Variants in DNAH6 observed in about 807,000 individuals in gnomAD.
DNAH6 encodes the protein dynein axonemal heavy chain 6, also known as axonemal beta dynein heavy chain 6.
In DNAH6, 340 loss-of-function variants were observed where a neutral mutation model predicts 491.4. The observed-to-expected ratio is 0.69, with a 90% CI of 0.63 to 0.76. The LOEUF (loss-of-function observed/expected upper bound fraction) is 0.76. Among genes scored for constraint, DNAH6 ranks in the 30% least tolerant of loss-of-function variants. The pLI, the probability that DNAH6 is intolerant of heterozygous loss-of-function variation, is 0.00. For missense variants in DNAH6, 4,443 were observed against 4,972.2 expected (o/e 0.89, Z 3.20); for synonymous variants, 1,603 against 1,686.1 (o/e 0.95, Z 1.21).
rs748934560 is a variant in DNAH6 at position 84,805,765 on chromosome 2, T to A, written c.11582T>A (p.Leu3861His). Residue 3861 changes from leucine to histidine, a missense_variant, in exon 71 of 77, where the codon CTT (leucine) becomes CAT (histidine). Transcript: ENST00000389394. ...GKSNDEIVQELVASVQTRVPE... is the reference protein window; with the variant it reads ...GKSNDEIVQEHVASVQTRVPE... ...AGCAATGACGAAATTGTTCAAGAAC[T>A]TGTTGCTTCTGTCCAGACCAGAGTT... 12 of 1,551,552 alleles carry A rather than the reference T, an allele frequency of 7.7e-6. No individual in the cohort carries two copies. In the South Asian group the frequency reaches 1.3e-4, roughly 17 times the overall value.
the DNAH6 span, among the ~76,000 whole-genome samples, chr2:84,464,147 C>T: frequency 1.3e-5 from 2 of 152,158 alleles, no homozygotes; most frequent in African/African-American, 2.4e-5. Context: ...TGGTCCTTAG[C>T]TGTGGTCCAA....
the DNAH6 span, among the ~76,000 whole-genome samples, chr2:84,489,004 A>G: frequency 2.0e-5 from 3 of 152,250 alleles, no homozygotes; most frequent in Admixed American, 6.5e-5. Context: ...GATAAAGATG[A>G]TATAGATTAT....
intron 52 of DNAH6, 136 bp downstream of exon 52, chr2:84,705,883 T>A: frequency 8.8e-7 from 1 of 1,131,782 alleles, no homozygotes; most frequent in Non-Finnish European, 1.2e-6. Context: ...GCTTTTGTTT[T>A]AAACAAGAGC....
Position 84,621,521 on chromosome 2 carries a change from C to T in DNAH6, c.4041C>T (p.Ala1347=). 1 of 1,521,284 alleles carries T rather than the reference C, an allele frequency of 6.6e-7. No homozygotes were observed. Among genetic ancestry groups the T allele is most frequent in the Non-Finnish European group, 8.9e-7 (1 of 1,123,574 alleles). The allele number at this position is 1,521,284 out of a possible 1,614,324, so 94.2% of individuals were successfully genotyped here. ...LETEHSNHIQ[A]LKNFEKVNFE... ...CAGAACACAGTAATCATATACAGGC[C>T]CTGAAGAATTTTGAAAAAGTAAATT... Residue 1347 remains alanine, a synonymous_variant, in exon 26 of 77, where the codon GCC becomes GCT. Transcript: ENST00000389394.
At chr2:84,785,842 T>A in intron 67 of DNAH6, 86 bp downstream of exon 67, 7 of 1,320,778 alleles carry the variant, frequency 5.3e-6, no homozygotes, top group Non-Finnish European at 7.0e-6. Context: ...AGCTTATAAA[T>A]GTCATTGTGA....
intron 63 of DNAH6, among the ~76,000 whole-genome samples, chr2:84,758,082 A>G (rs1243561186): frequency 6.6e-6 from 1 of 152,256 alleles, no homozygotes; most frequent in Non-Finnish European, 1.5e-5. Flanking sequence ...CACATGTTAC[A>G]TATGCTTGTA....
chr2:84,639,197 C>A (rs1689151865), intron 31 of DNAH6, among the ~76,000 whole-genome samples: 1 of 152,074 alleles, frequency 6.6e-6, no homozygotes, highest in Admixed American at 6.6e-5. Flanking sequence ...TTACTCTTGA[C>A]CCTCTCTACA....
chr2:84,721,966 A>G (rs564130750), intron 59 of DNAH6, among the ~76,000 whole-genome samples: 1 of 152,332 alleles, frequency 6.6e-6, no homozygotes, highest in South Asian at 2.1e-4. Context: ...ACTGAGAGAC[A>G]TAGAGAAGGG....
chr2:84,534,262 ATT>A (rs1240497905), intron 4 of DNAH6, among the ~76,000 whole-genome samples: 6 of 151,966 alleles, frequency 3.9e-5, no homozygotes, highest in African/African-American at 1.4e-4. Context: ...GTAAAAACTT[ATT>A]TTTTAAAAAA....
the DNAH6 span, among the ~76,000 whole-genome samples, chr2:84,503,612 T>C: frequency 1.7e-3 from 264 of 152,252 alleles, no homozygotes; most frequent in African/African-American, 6.0e-3. Flanking sequence ...TTCATTTTTT[T>C]AGGAAAGGCT....
chr2:84,499,276 A>G, the DNAH6 span, among the ~76,000 whole-genome samples: 2 of 152,142 alleles, frequency 1.3e-5, no homozygotes, highest in Non-Finnish European at 2.9e-5. Context: ...GATCCCATAA[A>G]TAAGTGAGAA....
chr2:84,747,443 G>A (rs915358228), intron 63 of DNAH6, among the ~76,000 whole-genome samples: 20 of 152,330 alleles, frequency 1.3e-4, no homozygotes, highest in African/African-American at 4.6e-4. Context: ...TAAAGCTCCA[G>A]AATAATCCTT....
chr2:84,718,103 A>T, intron 58 of DNAH6, 101 bp from the exon 59 acceptor site: 1 of 983,122 alleles, frequency 1.0e-6, no homozygotes, highest in Non-Finnish European at 1.5e-6. Context: ...TCAGCTGAAT[A>T]GTATTCAGAA....
intron 17 of DNAH6, among the ~76,000 whole-genome samples, chr2:84,595,143 A>G (rs952134171): frequency 5.3e-5 from 8 of 152,176 alleles, no homozygotes; most frequent in African/African-American, 1.9e-4. Flanking sequence ...AAGGTTTACA[A>G]ATTTTCTACT....
At position 84,557,805 on chromosome 2, in the gene DNAH6, C is replaced by A; in HGVS notation, c.1673C>A (p.Ser558Ter). 1 of 1,612,262 alleles carries A rather than the reference C, an allele frequency of 6.2e-7. No homozygotes were observed. The highest frequency in any genetic ancestry group is 8.5e-7 in the Non-Finnish European group (1 of 1,179,178). Residue 558 changes from serine (S) to a stop codon, truncating the protein, a stop_gained, in exon 11 of 77, where the codon TCG (serine) becomes TAG (stop). Coordinates refer to ENST00000389394, the MANE Select transcript of DNAH6 (RefSeq NM_001370.2). LOFTEE classifies it high-confidence loss of function. ...VLSVPNLVPD[S>*]YFDAFTSPYI... Reference sequence around the variant, plus strand: ...TCAGTTCCTAATCTCGTGCCTGATTCGTATTTTGATGCTTTCACCAGCCCT... The same window carrying A: ...TCAGTTCCTAATCTCGTGCCTGATTAGTATTTTGATGCTTTCACCAGCCCT...
In DNAH6 at chr2:84,709,434, A is replaced by C; in HGVS notation, c.9140A>C (p.Glu3047Ala). 6.4e-7 allele frequency: 1 copy of C among 1,551,654 alleles called. No homozygotes were observed. Among genetic ancestry groups the C allele is most frequent in the East Asian group, 2.4e-5 (1 of 40,914 alleles). The change falls in exon 55 of 77, where the codon GAG becomes GCG. Residue 3047 changes from glutamate to alanine, a missense_variant. Transcript: ENST00000389394. The stretch of plus-strand genomic sequence containing the variant: ...ATTAACATTCTTGGAGATCCCTACG[A>C]GATACGGCAGTGGAACACTGATGGG... ...SLINILGDPY[E>A]IRQWNTDGLP... is the part of the protein sequence containing the mutation.
chr2:84,618,870 A>G (rs903963902), intron 23 of DNAH6, among the ~76,000 whole-genome samples: 1 of 152,134 alleles, frequency 6.6e-6, no homozygotes, highest in African/African-American at 2.4e-5. Context: ...TAGGCTTTAC[A>G]TTCTCTGTAG....
chr2:84,659,163 T>C lies in DNAH6; in HGVS notation c.6078T>C (p.Asp2026=). ...GAACACAATTTGATGATAATCCTGATGCCAGGGTAAGAACCAAATAAATTA... is the reference window on the plus strand; with the variant it reads ...GAACACAATTTGATGATAATCCTGACGCCAGGGTAAGAACCAAATAAATTA... ...FIRTQFDDNP[D]ARLPNSGDLW... The change falls in exon 37 of 77, where the codon GAT becomes GAC. Residue 2026 remains aspartate, a synonymous_variant. Transcript: ENST00000389394. 6.9e-7 allele frequency: 1 copy of C among 1,445,154 alleles called. No homozygotes were observed. 89.5% of individuals were successfully genotyped at this position (1,445,154 alleles called of 1,614,324 possible).
chr2:84,553,366 TTTCTTTCTTTCTTTCTTTC>T (rs1558702984), intron 10 of DNAH6, among the ~76,000 whole-genome samples: 4 of 9,408 alleles, frequency 4.3e-4, no homozygotes, highest in African/African-American at 1.6e-3. Flanking sequence ...TTTCTTTTCT[TTTCTTTCTTTCTTTCTTTC>T]TTTCTTTCTT....
Sources: allele counts gnomAD v4.1 joint callset (sites outside exome capture counted in the v4.1 genomes callset), GRCh38; gene constraint gnomAD v4.1.1; transcripts MANE v1.5; gene names NCBI Gene and HGNC (gene_info 2026-07-23, HGNC 2026-07-21).